The following CDC42BPB variants were observed in gnomAD, a reference collection of about 807,000 sequenced individuals.
The protein encoded by CDC42BPB is serine/threonine-protein kinase MRCK beta.
Under a neutral mutation model 214.9 loss-of-function variants are expected in CDC42BPB, and 37 were observed. That is an observed-to-expected ratio of 0.17 (90% CI 0.13 to 0.23). The LOEUF is 0.23. Among genes scored for constraint, CDC42BPB ranks in the 10% least tolerant of loss-of-function variants. CDC42BPB has a pLI of 1.00. For missense variants in CDC42BPB, 1,694 were observed against 2,227.0 expected, an observed-to-expected ratio of 0.76 and a Z score of 4.82; for synonymous variants, 931 against 884.0, an observed-to-expected ratio of 1.05 and a Z score of -0.94.
intron 36 of CDC42BPB, among the ~76,000 whole-genome samples, chr14:102,937,692 ACT>A (rs1891702660): frequency 6.6e-6 from 1 of 152,204 alleles, no homozygotes; most frequent in South Asian, 2.1e-4. Context: ...TGGTCCCCAC[ACT>A]CTGACACCAA....
chr14:102,961,655 T>C (rs780058442), intron 20 of CDC42BPB, among the ~76,000 whole-genome samples: 48 of 152,078 alleles, frequency 3.2e-4, no homozygotes, highest in Non-Finnish European at 6.5e-4. Flanking sequence ...ACAATACTCC[T>C]GCCTCAGCCT....
intron 2 of CDC42BPB, 40 bp from the exon 3 acceptor site, chr14:103,008,595 G>C: frequency 6.3e-7 from 1 of 1,591,306 alleles, no homozygotes; most frequent in Non-Finnish European, 8.6e-7. Context: ...TGCGGTTCTT[G>C]AACAAAAGGC....
intron 36 of CDC42BPB, among the ~76,000 whole-genome samples, chr14:102,935,748 C>T (rs1204122756): frequency 2.0e-5 from 3 of 148,066 alleles, no homozygotes; most frequent in South Asian, 2.1e-4. Context: ...CAAGATCGTG[C>T]CACTGCACTC....
chr14:103,055,208 A>C (rs1029540213), intron 1 of CDC42BPB, among the ~76,000 whole-genome samples: 3 of 152,202 alleles, frequency 2.0e-5, no homozygotes, highest in Non-Finnish European at 4.4e-5. Flanking sequence ...GGATCACCCG[A>C]GGTCAGGAGT....
chr14:103,018,800 A>G (rs1040683572), intron 1 of CDC42BPB, among the ~76,000 whole-genome samples: 1 of 152,210 alleles, frequency 6.6e-6, no homozygotes, highest in African/African-American at 2.4e-5. Flanking sequence ...CTGCTGTTTT[A>G]TATTTTCAAA....
Position 102,958,100 on chromosome 14 carries a change from T to C in CDC42BPB, c.2901+1531A>G, listed in dbSNP as rs115738839. 7.4e-3 allele frequency among the ~76,000 whole-genome samples: 1,120 copies of C among 152,318 alleles called. 17 individuals carry two copies. Among genetic ancestry groups the C allele is most frequent in the African/African-American group, 0.026 (1,078 of 41,556 alleles). The stretch of plus-strand genomic sequence containing the variant: ...GAAACAAAAGACTAAATGCGATTCA[T>C]GACCTCCAGATGGATCCAGAACTAG... On this transcript the variant is annotated intron_variant, in intron 21 of 36. Coordinates refer to ENST00000361246, the MANE Select transcript of CDC42BPB (RefSeq NM_006035.4).
chr14:103,023,723 T>C (rs1467619043), intron 1 of CDC42BPB, among the ~76,000 whole-genome samples: 1 of 152,210 alleles, frequency 6.6e-6, no homozygotes, highest in African/African-American at 2.4e-5. Flanking sequence ...GAAAATATAT[T>C]CATAAACATA....
intron 11 of CDC42BPB, 175 bp from the exon 12 acceptor site, chr14:102,974,324 T>TCACACA (rs1893637599): frequency 1.1e-6 from 1 of 939,914 alleles, no homozygotes; most frequent in Admixed American, 7.9e-5. Flanking sequence ...ACACACAGTG[T>TCACACA]CATAGGCACA....
chr14:102,946,455 C>T lies in CDC42BPB; in HGVS notation c.3748+13G>A, dbSNP rs1460621164. Reference sequence around the variant, plus strand: ...GCTTCAGACACCTGAAGGACACAACCTTTGGGACGTACCCACGATGGCAGC... The same window carrying T: ...GCTTCAGACACCTGAAGGACACAACTTTTGGGACGTACCCACGATGGCAGC... On this transcript the variant is annotated intron_variant, in intron 28 of 36. Coordinates refer to ENST00000361246, the MANE Select transcript of CDC42BPB (RefSeq NM_006035.4). 9 of 1,612,218 alleles carry T rather than the reference C, an allele frequency of 5.6e-6. No homozygotes were observed. Among genetic ancestry groups the T allele is most frequent in the African/African-American group, 1.3e-5 (1 of 74,916 alleles).
intron 36 of CDC42BPB, among the ~76,000 whole-genome samples, chr14:102,937,393 C>T (rs936618986): frequency 6.6e-6 from 1 of 152,250 alleles, no homozygotes; most frequent in African/African-American, 2.4e-5. Flanking sequence ...GCAGAACCAG[C>T]AACATGTGCA....
intron 30 of CDC42BPB, among the ~76,000 whole-genome samples, chr14:102,942,789 C>G (rs1402788178): frequency 6.6e-6 from 1 of 151,972 alleles, no homozygotes; most frequent in Non-Finnish European, 1.5e-5. Flanking sequence ...ACTACAACCT[C>G]TGCGTCCCGG....
chr14:103,028,120 ACTC>A (rs1346876022), intron 1 of CDC42BPB, among the ~76,000 whole-genome samples: 1 of 152,076 alleles, frequency 6.6e-6, no homozygotes, highest in East Asian at 1.9e-4. Flanking sequence ...ACAGAGCAAG[ACTC>A]CTTCTCAAAA....
chr14:102,998,949 G>A (rs1284522824), intron 5 of CDC42BPB, among the ~76,000 whole-genome samples: 1 of 118,154 alleles, frequency 8.5e-6, no homozygotes, highest in African/African-American at 3.3e-5. Flanking sequence ...GGACCCCGGG[G>A]CCCACGTGAG....
chr14:102,986,795 C>G, intron 5 of CDC42BPB: 1 of 920,154 alleles, frequency 1.1e-6, no homozygotes, highest in African/African-American at 1.8e-5. Context: ...GTTACCCTGG[C>G]GAGGCCCTGT....
intron 2 of CDC42BPB, among the ~76,000 whole-genome samples, chr14:103,010,005 G>A (rs1849089731): frequency 2.0e-5 from 3 of 152,166 alleles, no homozygotes; most frequent in Admixed American, 2.0e-4. Flanking sequence ...AAAACAACTA[G>A]CCAGGTACAG....
At chr14:102,960,827 C>T (rs1595468802) in intron 20 of CDC42BPB, among the ~76,000 whole-genome samples, 1 of 152,144 alleles carries the variant, frequency 6.6e-6, no homozygotes, top group Non-Finnish European at 1.5e-5. Context: ...CTCCTCGAAC[C>T]GTATGTCAGA....
At chr14:102,934,066 T>A in intron 36 of CDC42BPB, 1 of 1,295,244 alleles carries the variant, frequency 7.7e-7, no homozygotes, top group Non-Finnish European at 9.8e-7. Context: ...AATAACATGG[T>A]AATTATCATT....
intron 14 of CDC42BPB, among the ~76,000 whole-genome samples, chr14:102,969,251 G>C (rs760236910): frequency 2.0e-5 from 3 of 152,274 alleles, no homozygotes; most frequent in Non-Finnish European, 4.4e-5. Context: ...TGTTGGCAGT[G>C]TTTGCAGCAT....
intron 4 of CDC42BPB, among the ~76,000 whole-genome samples, chr14:103,003,498 G>A (rs966826547): frequency 1.8e-4 from 28 of 152,260 alleles, no homozygotes; most frequent in African/African-American, 6.5e-4. Context: ...AAAGGGCCTG[G>A]GGCACCCCCC....
Sources: gnomAD v4.1 joint callset for allele counts (sites outside exome capture counted in the v4.1 genomes callset) on GRCh38, gnomAD v4.1.1 for gene constraint, MANE v1.5 for transcripts, NCBI Gene and HGNC (gene_info 2026-07-23, HGNC 2026-07-21) for gene names.